ETS1: variants seen among roughly 807,000 people sequenced by gnomAD.
ETS1 encodes the protein protein C-ets-1.
In ETS1, 15 loss-of-function variants were observed where a neutral mutation model predicts 58.6. The ratio of observed to expected loss-of-function variants is 0.26; its 90% CI spans 0.17 to 0.39. ETS1 has a LOEUF of 0.39. Among genes scored for constraint, ETS1 ranks in the 10% least tolerant of loss-of-function variants. The pLI is 1.00. For synonymous variants in ETS1, 214 were observed against 218.2 expected, an observed-to-expected ratio of 0.98 and a Z score of 0.17; for missense variants, 417 against 610.5, an observed-to-expected ratio of 0.68 and a Z score of 3.34.
At chr11:128,512,915 C>G (rs1199091373) in intron 3 of ETS1, among the ~76,000 whole-genome samples, 1 of 152,256 alleles carries the variant, frequency 6.6e-6, no homozygotes, top group Non-Finnish European at 1.5e-5. Flanking sequence ...AGCTGCTTCA[C>G]CTACTGAATG....
chr11:128,503,515 C>T (rs1011925146), intron 3 of ETS1, among the ~76,000 whole-genome samples: 5 of 152,194 alleles, frequency 3.3e-5, no homozygotes, highest in Non-Finnish European at 5.9e-5. Flanking sequence ...AGCAAACATA[C>T]TAGTACATCT....
chr11:128,543,280 T>G (rs1259693262), intron 3 of ETS1, among the ~76,000 whole-genome samples: 1 of 152,024 alleles, frequency 6.6e-6, no homozygotes, highest in Admixed American at 6.6e-5. Flanking sequence ...TATATGCACA[T>G]AGAAAAGTAC....
chr11:128,572,973 C>A, intron 2 of ETS1, 89 bp downstream of exon 2: 1 of 1,011,030 alleles, frequency 9.9e-7, no homozygotes, highest in South Asian at 1.4e-5. Flanking sequence ...CCTGGCTTCT[C>A]TGTCTACTGG....
In ETS1 at chr11:128,459,698, A is replaced by T. The variant is rs188445612; in HGVS notation, c.*2663T>A. ...TCCTGGGATGGTCTCTGGCCTTTGG[A>T]CAAAGGAGAAAAAACATCTGGCCAG... On this transcript the variant is annotated 3_prime_UTR_variant, in exon 10 of 10. Coordinates refer to ENST00000392668, the MANE Select transcript of ETS1 (RefSeq NM_001143820.2). 6.5e-6 allele frequency: 1 copy of T among 152,804 alleles called. No individual in the cohort carries two copies. The highest frequency in any genetic ancestry group is 2.4e-5 in the African/African-American group (1 of 41,456). 9.5% of individuals were successfully genotyped at this position (152,804 alleles called of 1,614,324 possible).
chr11:128,566,554 T>C (rs558816130), intron 2 of ETS1, among the ~76,000 whole-genome samples: 45 of 152,068 alleles, frequency 3.0e-4, no homozygotes, highest in South Asian at 2.7e-3. Flanking sequence ...GAGGCTAAGG[T>C]GGGCAGATCA....
At chr11:128,585,000 AAG>A (rs1213771149) in intron 1 of ETS1, among the ~76,000 whole-genome samples, 2 of 48,226 alleles carry the variant, frequency 4.1e-5, no homozygotes, top group Non-Finnish European at 7.3e-5. Context: ...GGAAGGAAGG[AAG>A]GAAAGAAAGG....
In ETS1 at chr11:128,484,815, T is replaced by G; in HGVS notation, c.862+8A>C. 10 of 1,610,914 alleles carry G rather than the reference T, an allele frequency of 6.2e-6. No homozygotes were observed. The highest frequency in any genetic ancestry group is 8.5e-6 in the Non-Finnish European group (10 of 1,177,496). On this transcript the variant is annotated splice_region_variant and intron_variant, in intron 7 of 9. Transcript: ENST00000392668. Reference sequence around the variant, plus strand: ...CCCAAGAGCTTTTAGAGAAGAAATATGACCTACCACGACTGGTCCTCCCCA... The same window carrying G: ...CCCAAGAGCTTTTAGAGAAGAAATAGGACCTACCACGACTGGTCCTCCCCA...
At chr11:128,524,443 A>G (rs1299184525) in intron 3 of ETS1, among the ~76,000 whole-genome samples, 1 of 152,208 alleles carries the variant, frequency 6.6e-6, no homozygotes, top group Non-Finnish European at 1.5e-5. Flanking sequence ...GATATTAATT[A>G]TGAATATTTA....
chr11:128,558,544 C>T (rs763837932), intron 2 of ETS1, among the ~76,000 whole-genome samples: 3 of 151,542 alleles, frequency 2.0e-5, no homozygotes, highest in Non-Finnish European at 4.4e-5. Flanking sequence ...ACTAGGGAGA[C>T]TGAGGCAGGA....
chr11:128,529,034 A>G (rs1591644817), intron 3 of ETS1: 1 of 152,244 alleles, frequency 6.6e-6, no homozygotes, highest in Non-Finnish European at 1.5e-5. Flanking sequence ...AGCAGTCTTC[A>G]GGAATTTCCG....
Position 128,460,379 on chromosome 11 carries a change from C to G in ETS1, c.*1982G>C, listed in dbSNP as rs1217081701. 1 of 152,760 alleles carries G rather than the reference C, an allele frequency of 6.5e-6. No individual in the cohort carries two copies. The highest frequency in any genetic ancestry group is 1.5e-5 in the Non-Finnish European group (1 of 68,044). 9.5% of individuals were successfully genotyped at this position (152,760 alleles called of 1,614,324 possible). On this transcript the variant is annotated 3_prime_UTR_variant, in exon 10 of 10. Transcript: ENST00000392668. Reference sequence around the variant, plus strand: ...CACTCATGAATCACAGAGCTATGTTCCTGATAATTCTGGGTCTGCAAGAGG... The same window carrying G: ...CACTCATGAATCACAGAGCTATGTTGCTGATAATTCTGGGTCTGCAAGAGG...
intron 3 of ETS1, chr11:128,530,232 C>T (rs889746710): frequency 5.9e-5 from 9 of 152,394 alleles, no homozygotes; most frequent in African/African-American, 2.2e-4. Context: ...CACTCCACAT[C>T]TTGCATCAGC....
chr11:128,502,917 G>A (rs931266662), intron 3 of ETS1, among the ~76,000 whole-genome samples: 2 of 152,118 alleles, frequency 1.3e-5, no homozygotes, highest in Non-Finnish European at 2.9e-5. Context: ...AGTTTCCACC[G>A]ACAGCCCTTA....
At chr11:128,575,511 T>C (rs1404709952) in intron 1 of ETS1, among the ~76,000 whole-genome samples, 1 of 152,252 alleles carries the variant, frequency 6.6e-6, no homozygotes, top group Non-Finnish European at 1.5e-5. Context: ...TGCACCACTA[T>C]GTGCCAGACA....
intron 8 of ETS1, among the ~76,000 whole-genome samples, chr11:128,468,881 T>C (rs1862110764): frequency 6.6e-6 from 1 of 152,240 alleles, no homozygotes; most frequent in African/African-American, 2.4e-5. Context: ...GACTGTGTCA[T>C]TTGACATGTT....
In ETS1 at chr11:128,585,144, GAA is replaced by G. The variant is rs1227513043; in HGVS notation, c.-15+2342_-15+2343del. ...AGAAAGAAGAAAGAAAGAAAAGAAAGAAAGAAAGAAAGAAAGAAAGAAAGAGA... is the reference window on the plus strand; with the variant it reads ...AGAAAGAAGAAAGAAAGAAAAGAAAGAGAAAGAAAGAAAGAAAGAAAGAGA... On this transcript the variant is annotated intron_variant, in intron 1 of 9. Coordinates refer to ENST00000392668, the MANE Select transcript of ETS1 (RefSeq NM_001143820.2). 1.4e-4 allele frequency among the ~76,000 whole-genome samples: 2 copies of G among 14,392 alleles called. 1 individual carries two copies. The highest frequency in any genetic ancestry group is 9.9e-4 in the African/African-American group (2 of 2,012). 9.4% of individuals were successfully genotyped at this position (14,392 alleles called of 152,430 possible).
chr11:128,527,250 C>T, intron 3 of ETS1: 1 of 251,286 alleles, frequency 4.0e-6, no homozygotes, highest in South Asian at 3.8e-5. Flanking sequence ...GGCTCTATTG[C>T]TGTCTGCAGT....
intron 8 of ETS1, among the ~76,000 whole-genome samples, chr11:128,469,635 C>A (rs1448157429): frequency 1.3e-5 from 2 of 152,206 alleles, no homozygotes; most frequent in Non-Finnish European, 2.9e-5. Context: ...CTGACAGTTT[C>A]TTGGCCTCTG....
At chr11:128,570,731 C>T (rs2135577332) in intron 2 of ETS1, among the ~76,000 whole-genome samples, 1 of 152,088 alleles carries the variant, frequency 6.6e-6, no homozygotes, top group South Asian at 2.1e-4. Context: ...ATTTTAATGT[C>T]ATTTGTGTTA....
Sources: gnomAD v4.1 joint callset for allele counts (sites outside exome capture counted in the v4.1 genomes callset) on GRCh38, gnomAD v4.1.1 for gene constraint, MANE v1.5 for transcripts, NCBI Gene and HGNC (gene_info 2026-07-23, HGNC 2026-07-21) for gene names.